GIPR: variants seen among roughly 807,000 people sequenced by gnomAD.
GIPR encodes GIP-R.
Under a neutral mutation model 62.2 loss-of-function variants are expected in GIPR, and 74 were observed. That is an observed-to-expected ratio of 1.19 (90% CI 0.99 to 1.44). The LOEUF (loss-of-function observed/expected upper bound fraction) is 1.44. Ranked by LOEUF, GIPR falls within the 40% of genes most tolerant of loss-of-function variation. GIPR has a pLI of 0.00. For missense variants in GIPR, 664 were observed against 611.8 expected, an observed-to-expected ratio of 1.09 and a Z score of -0.90; for synonymous variants, 256 against 262.2, an observed-to-expected ratio of 0.98 and a Z score of 0.23.
Position 45,672,917 on chromosome 19 carries a change from C to T in GIPR, c.347C>T (p.Thr116Ile). The T allele has an allele frequency of 3.1e-6, 5 of 1,612,412 alleles. No homozygotes were observed. The highest frequency in any genetic ancestry group is 1.7e-4 in the Middle Eastern group (1 of 6,060). The change falls in exon 5 of 14, where the codon ACA becomes ATA. Residue 116 changes from threonine (T) to isoleucine (I), a missense_variant. Physicochemically the swap from Thr to Ile is moderately conservative, Grantham distance 89. Transcript: ENST00000590918. ...CAATGGGGACTTTGGAGAGACCATA[C>T]ACAATGTGAGAACCCAGAGAAGAAT... ...DGQWGLWRDH[T>I]QCENPEKNEA...
intron 3 of GIPR, 95 bp downstream of exon 3, chr19:45,670,829 C>A: frequency 1.3e-6 from 1 of 773,876 alleles, no homozygotes; most frequent in East Asian, 2.7e-5. Context: ...GAAGAAATCT[C>A]GGGGCGCTGT....
chr19:45,672,565 A>G, intron 4 of GIPR: 1 of 375,816 alleles, frequency 2.7e-6, no homozygotes, highest in Non-Finnish European at 5.1e-6. Context: ...TTGGCCTCCC[A>G]AAGTGCTGGG....
At chr19:45,671,527 G>A (rs1264600389) in intron 4 of GIPR, 135 bp downstream of exon 4, 3 of 682,836 alleles carry the variant, frequency 4.4e-6, no homozygotes, top group East Asian at 2.7e-5. Context: ...ACTCCTTTCC[G>A]GCAGGCTGGG....
Position 45,669,659 on chromosome 19 carries a change from C to A in GIPR, c.72+67C>A, listed in dbSNP as rs1190886084. ...AGGTATGGGGACGGTTTTAGGGCTT[C>A]CGTCGTCAGGGCGCTGTCGCTCACG... On this transcript the variant is annotated intron_variant, in intron 2 of 13. Coordinates refer to ENST00000590918, the MANE Select transcript of GIPR (RefSeq NM_000164.4). 6.5e-6 allele frequency: 10 copies of A among 1,528,908 alleles called. No individual in the cohort carries two copies. In the Admixed American group the frequency reaches 1.4e-4, roughly 21 times the overall value. The allele number at this position is 1,528,908 out of a possible 1,614,324, so 94.7% of individuals were successfully genotyped here.
chr19:45,676,580 C>G (rs961766358), intron 7 of GIPR, among the ~76,000 whole-genome samples: 1 of 151,662 alleles, frequency 6.6e-6, no homozygotes, highest in African/African-American at 2.4e-5. Flanking sequence ...ATTACAGGCG[C>G]CTGCCACCAC....
At chr19:45,679,997 T>C (rs1410543800) in intron 12 of GIPR, among the ~76,000 whole-genome samples, 4 of 152,120 alleles carry the variant, frequency 2.6e-5, no homozygotes, top group Non-Finnish European at 2.9e-5. Flanking sequence ...CTCGAACTCC[T>C]GACCTCAGGT....
At chr19:45,676,099 A>C (rs781765977) in intron 7 of GIPR, among the ~76,000 whole-genome samples, 2 of 150,936 alleles carry the variant, frequency 1.3e-5, no homozygotes, top group African/African-American at 2.4e-5. Flanking sequence ...GCTACTCAGG[A>C]GGCTGAGGTA....
Position 45,678,185 on chromosome 19 carries a change from TTCG to T in GIPR, c.1112_1114del (p.Phe371_Ala372delinsSer). 1 of 1,591,936 alleles carries T rather than the reference TTCG, an allele frequency of 6.3e-7. No homozygotes were observed. The highest frequency in any genetic ancestry group is 8.5e-7 in the Non-Finnish European group (1 of 1,169,936). ...GGAACAGGCCCGGGGCGCCCTGCGC[TTCG>T]CCAAGCTCGGCTTTGAGATCTTCCT... On this transcript the variant is annotated inframe_deletion, in exon 12 of 14. Transcript: ENST00000590918.
chr19:45,675,833 AG>A (rs1456892757), intron 7 of GIPR, among the ~76,000 whole-genome samples: 1 of 152,150 alleles, frequency 6.6e-6, no homozygotes, highest in Admixed American at 6.6e-5. Flanking sequence ...GGCTGCAGTG[AG>A]CTGTGATGCT....
chr19:45,680,233 G>A (rs923887045), intron 12 of GIPR, among the ~76,000 whole-genome samples: 4 of 152,182 alleles, frequency 2.6e-5, no homozygotes, highest in African/African-American at 9.6e-5. Flanking sequence ...TAGGTGGCAC[G>A]TGCCTGTAAT....
intron 4 of GIPR, among the ~76,000 whole-genome samples, chr19:45,672,125 G>A (rs1340234591): frequency 6.6e-6 from 1 of 151,654 alleles, no homozygotes; most frequent in Non-Finnish European, 1.5e-5. Flanking sequence ...CGATCCTCCC[G>A]CCTCAGCCTC....
At position 45,673,923 on chromosome 19, in the gene GIPR, G is replaced by A; in HGVS notation, c.385-151G>A. The stretch of plus-strand genomic sequence containing the variant: ...GCCTCGTGCCCTGGAGCTGAAGGGT[G>A]GAGTCAGCCCTTCTCAAATAAGGGT... On this transcript the variant is annotated intron_variant, in intron 5 of 13. Coordinates refer to ENST00000590918, the MANE Select transcript of GIPR (RefSeq NM_000164.4). 4 of 716,974 alleles carry A rather than the reference G, an allele frequency of 5.6e-6. No individual in the cohort carries two copies. The South Asian group carries it at 5.9e-5, about 11-fold the overall frequency. The allele number at this position is 716,974 out of a possible 1,614,324, so 44.4% of individuals were successfully genotyped here. A position where few individuals can be genotyped will look rare whatever the true frequency, so the allele number is the denominator to read the frequency against.
Position 45,671,344 on chromosome 19 carries a change from GC to G in GIPR, c.234del (p.Thr79LeufsTer76). The G allele has an allele frequency of 6.2e-7, 1 of 1,612,768 alleles. No individual in the cohort carries two copies. The highest frequency in any genetic ancestry group is 8.5e-7 in the Non-Finnish European group (1 of 1,179,874). ...YVCWDYAAPNATARASCPWYL... is the reference protein window; with the variant it reads ...YVCWDYAAPNXTARASCPWYL... ...CTGCTGGGACTATGCTGCACCCAAT[GC>G]CACTGCCCGTGCGTCCTGCCCCTGG... On this transcript the variant is annotated frameshift_variant, in exon 4 of 14. Transcript: ENST00000590918. LOFTEE classifies it high-confidence loss of function.
chr19:45,674,935 T>C lies in GIPR; in HGVS notation c.633+109T>C. 3 of 1,155,674 alleles carry C rather than the reference T, an allele frequency of 2.6e-6. No individual in the cohort carries two copies. The South Asian group carries it at 3.7e-5, about 14-fold the overall frequency. The allele number at this position is 1,155,674 out of a possible 1,614,324, so 71.6% of individuals were successfully genotyped here. A position where few individuals can be genotyped will look rare whatever the true frequency, so the allele number is the denominator to read the frequency against. On this transcript the variant is annotated intron_variant, in intron 7 of 13. Transcript: ENST00000590918. ...CTACACTCTCCACAGTTTATCTGAG[T>C]TGGGAGGGTCCCTCTCCAAATGTGT...
In GIPR at chr19:45,677,038, G is replaced by A. The variant is rs1555775801; in HGVS notation, c.723G>A (p.Leu241=). 1 of 1,613,852 alleles carries A rather than the reference G, an allele frequency of 6.2e-7. No individual in the cohort carries two copies. The highest frequency in any genetic ancestry group is 8.5e-7 in the Non-Finnish European group (1 of 1,179,906). ...YTWLLVEGVY[L]HSLLVLVGGS... is the part of the protein sequence containing the mutation. ...GGCTGCTGGTGGAGGGCGTCTACCT[G>A]CACAGTCTCCTGGTGCTCGTGGGAG... Residue 241 remains leucine, a synonymous_variant, in exon 8 of 14, where the codon CTG becomes CTA. Coordinates refer to ENST00000590918, the MANE Select transcript of GIPR (RefSeq NM_000164.4).
chr19:45,674,420 C>T (rs1975721727), intron 6 of GIPR: 1 of 632,202 alleles, frequency 1.6e-6, no homozygotes, highest in African/African-American at 1.8e-5. Context: ...TCAGGCTGGG[C>T]AATATAGTGA....
chr19:45,675,940 T>G (rs1401768478), intron 7 of GIPR, among the ~76,000 whole-genome samples: 1 of 152,100 alleles, frequency 6.6e-6, no homozygotes, highest in African/African-American at 2.4e-5. Flanking sequence ...GCACAGTGGC[T>G]CATGCCTGTA....
intron 12 of GIPR, among the ~76,000 whole-genome samples, chr19:45,680,721 C>G (rs113074872): frequency 0.06 from 9,027 of 149,464 alleles, 930 homozygotes; most frequent in African/African-American, 0.21. Context: ...ATCCCAGGTA[C>G]TTGGGAGGCT....
intron 6 of GIPR, 125 bp from the exon 7 acceptor site, chr19:45,674,557 T>C: frequency 3.5e-6 from 3 of 855,974 alleles, no homozygotes; most frequent in Non-Finnish European, 5.8e-6. Context: ...CAGTGAGCCC[T>C]GATTGTGTCA....
Sources: gnomAD v4.1 joint callset for allele counts (sites outside exome capture counted in the v4.1 genomes callset) on GRCh38, gnomAD v4.1.1 for gene constraint, MANE v1.5 for transcripts, NCBI Gene and HGNC (gene_info 2026-07-23, HGNC 2026-07-21) for gene names.